The following GRIN2A variants were observed in gnomAD, a reference collection of about 807,000 sequenced individuals.
GRIN2A encodes the protein glutamate ionotropic receptor NMDA type subunit 2A, also known as glutamate receptor ionotropic, NMDA 2A.
A neutral mutation model predicts 113.4 loss-of-function variants in GRIN2A; 22 were observed. The observed-to-expected ratio is 0.19, with a 90% CI of 0.14 to 0.28. GRIN2A has a LOEUF of 0.28. Ranked by LOEUF, GRIN2A falls within the 10% of genes least tolerant of loss-of-function variation. GRIN2A has a pLI of 1.00. For synonymous variants in GRIN2A, 827 were observed against 738.4 expected, an observed-to-expected ratio of 1.12 and a Z score of -1.94; for missense variants, 1,502 against 1,887.0, an observed-to-expected ratio of 0.80 and a Z score of 3.78.
chr16:9,781,305 T>A (rs1422102267), intron 11 of GRIN2A, among the ~76,000 whole-genome samples: 3 of 152,246 alleles, frequency 2.0e-5, no homozygotes, highest in Non-Finnish European at 4.4e-5. Flanking sequence ...CTAATGCTGC[T>A]AGATAGTGGT....
rs1354191385 is a variant in GRIN2A, at chr16:10,115,541, A to T, written c.414+64457T>A. Among the ~76,000 whole-genome samples, 4 of 152,194 alleles carry T rather than the reference A, an allele frequency of 2.6e-5. No individual in the cohort carries two copies. In the South Asian group the frequency reaches 8.3e-4, roughly 32 times the overall value. On this transcript the variant is annotated intron_variant, in intron 2 of 12. Transcript: ENST00000330684. ...CCCCCCATAAATCATTATCTGAACC[A>T]ACAGGATAGGCTGCTGGGACACCCA... is the stretch of plus-strand genomic sequence containing the variant.
chr16:9,964,405 C>G (rs572431250), intron 2 of GRIN2A, among the ~76,000 whole-genome samples: 16 of 152,314 alleles, frequency 1.1e-4, no homozygotes, highest in African/African-American at 3.6e-4. Flanking sequence ...TTAATGGGAT[C>G]AGCCATGGTG....
chr16:9,908,469 G>T (rs2044070485), intron 3 of GRIN2A, among the ~76,000 whole-genome samples: 1 of 151,890 alleles, frequency 6.6e-6, no homozygotes, highest in African/African-American at 2.4e-5. Flanking sequence ...GCTATAAAGG[G>T]TTAATCTTAC....
chr16:9,875,120 A>T (rs953546024), intron 4 of GRIN2A, among the ~76,000 whole-genome samples: 1 of 128,630 alleles, frequency 7.8e-6, no homozygotes. Context: ...CTCAGTCCCC[A>T]CAAGTAGCTG....
intron 2 of GRIN2A, among the ~76,000 whole-genome samples, chr16:9,945,898 T>G (rs2045007041): frequency 6.6e-6 from 1 of 152,172 alleles, no homozygotes; most frequent in Non-Finnish European, 1.5e-5. Flanking sequence ...TGGCTAGAAC[T>G]TCCATGTTTT....
intron 2 of GRIN2A, among the ~76,000 whole-genome samples, chr16:10,135,782 C>A (rs141171379): frequency 2.0e-5 from 3 of 152,184 alleles, no homozygotes; most frequent in African/African-American, 7.2e-5. Flanking sequence ...ACTCTTAAGG[C>A]ATCTGACTGA....
At chr16:9,967,211 T>C (rs985029944) in intron 2 of GRIN2A, among the ~76,000 whole-genome samples, 35 of 152,172 alleles carry the variant, frequency 2.3e-4, no homozygotes, top group African/African-American at 8.2e-4. Context: ...CATCAGCCAA[T>C]GAGTGGATCA....
intron 3 of GRIN2A, among the ~76,000 whole-genome samples, chr16:9,905,223 T>C (rs2044003484): frequency 2.0e-5 from 3 of 152,302 alleles, no homozygotes; most frequent in South Asian, 2.1e-4. Context: ...CCTATGCAAA[T>C]AATTACAATA....
intron 2 of GRIN2A, among the ~76,000 whole-genome samples, chr16:10,057,711 C>T (rs2066798886): frequency 6.6e-6 from 1 of 152,062 alleles, no homozygotes; most frequent in Non-Finnish European, 1.5e-5. Flanking sequence ...GTGCTACACA[C>T]TCTCAGAGGA....
At chr16:9,973,262 G>A (rs1423243724) in intron 2 of GRIN2A, among the ~76,000 whole-genome samples, 1 of 152,182 alleles carries the variant, frequency 6.6e-6, no homozygotes, top group Non-Finnish European at 1.5e-5. Context: ...TCCCCAGGCA[G>A]GAAGGGTGTT....
chr16:9,772,922 C>CAAAAAAA (rs71400490), intron 11 of GRIN2A, among the ~76,000 whole-genome samples: 2 of 105,008 alleles, frequency 1.9e-5, no homozygotes, highest in African/African-American at 7.5e-5. Context: ...ACTTCAATTT[C>CAAAAAAA]AAAAAAAAAA....
At chr16:9,888,322 G>A (rs1019758544) in intron 4 of GRIN2A, among the ~76,000 whole-genome samples, 2 of 152,142 alleles carry the variant, frequency 1.3e-5, no homozygotes, top group Admixed American at 6.5e-5. Context: ...ACTGCTTAAT[G>A]GTTTTTCATA....
rs879916831 is a variant in GRIN2A at position 9,876,290 on chromosome 16, A to G, written c.1122+14696T>C. ...TATGTTCTCCATTATCTCAGGTAGCAGAGCATATTACATATGTGTCAAAGA... is the reference window on the plus strand; with the variant it reads ...TATGTTCTCCATTATCTCAGGTAGCGGAGCATATTACATATGTGTCAAAGA... On this transcript the variant is annotated intron_variant, in intron 4 of 12. Coordinates refer to ENST00000330684, the MANE Select transcript of GRIN2A (RefSeq NM_001134407.3). Among the ~76,000 whole-genome samples the G allele has an allele frequency of 2.0e-5, 3 of 152,324 alleles. 1 individual carries two copies. The South Asian group carries it at 6.2e-4, about 32-fold the overall frequency.
chr16:10,016,736 C>A (rs1567236076), intron 2 of GRIN2A, among the ~76,000 whole-genome samples: 2 of 152,232 alleles, frequency 1.3e-5, no homozygotes, highest in South Asian at 4.1e-4. Context: ...GCAAAGTGAG[C>A]TCACATCTCT....
chr16:9,757,101 G>C lies in GRIN2A; in HGVS notation c.*6048C>G, dbSNP rs1900377482. 1 of 211,486 alleles carries C rather than the reference G, an allele frequency of 4.7e-6. No individual in the cohort carries two copies. 13.1% of individuals were successfully genotyped at this position (211,486 alleles called of 1,614,324 possible). On this transcript the variant is annotated 3_prime_UTR_variant, in exon 13 of 13. Coordinates refer to ENST00000330684, the MANE Select transcript of GRIN2A (RefSeq NM_001134407.3). Reference sequence around the variant, plus strand: ...TCATGGTCTATTTTCTAATCCTTTGGGGAATTTTTTCAACCTTTTCTTGAG... The same window carrying C: ...TCATGGTCTATTTTCTAATCCTTTGCGGAATTTTTTCAACCTTTTCTTGAG...
chr16:10,010,607 A>G (rs966439201), intron 2 of GRIN2A, among the ~76,000 whole-genome samples: 5 of 152,158 alleles, frequency 3.3e-5, no homozygotes, highest in African/African-American at 1.2e-4. Flanking sequence ...GGTACTTCAT[A>G]GGTTCATAAA....
In GRIN2A at chr16:10,020,133, G is replaced by A. The variant is rs900861745; in HGVS notation, c.415-81582C>T. On this transcript the variant is annotated intron_variant, in intron 2 of 12. Coordinates refer to ENST00000330684, the MANE Select transcript of GRIN2A (RefSeq NM_001134407.3). Reference sequence around the variant, plus strand: ...GTATACCAAAGAAATGAAAAGATGGGCCAGGTGCAGTGGCTCACGCCTGTA... The same window carrying A: ...GTATACCAAAGAAATGAAAAGATGGACCAGGTGCAGTGGCTCACGCCTGTA... 1.1e-4 allele frequency among the ~76,000 whole-genome samples: 17 copies of A among 152,188 alleles called. 1 individual carries two copies. Among genetic ancestry groups the A allele is most frequent in the African/African-American group, 4.1e-4 (17 of 41,448 alleles).
At chr16:9,895,226 C>A (rs1362278098) in intron 3 of GRIN2A, among the ~76,000 whole-genome samples, 2 of 152,136 alleles carry the variant, frequency 1.3e-5, no homozygotes, top group Non-Finnish European at 2.9e-5. Context: ...ATGGTGATTC[C>A]ATGACTGGAA....
chr16:9,792,055 C>A (rs1391611526), intron 11 of GRIN2A, among the ~76,000 whole-genome samples: 1 of 151,066 alleles, frequency 6.6e-6, no homozygotes, highest in Non-Finnish European at 1.5e-5. Flanking sequence ...ACAAAAGGAA[C>A]AGAGGGAACC....
Sources: allele counts gnomAD v4.1 joint callset (sites outside exome capture counted in the v4.1 genomes callset), GRCh38; gene constraint gnomAD v4.1.1; transcripts MANE v1.5; gene names NCBI Gene and HGNC (gene_info 2026-07-23, HGNC 2026-07-21).